PLXDC2: variants seen among roughly 807,000 people sequenced by gnomAD.
PLXDC2 encodes the protein plexin domain-containing protein 2.
PLXDC2 carries 40 observed loss-of-function variants against 68.9 expected under a neutral mutation model. The observed-to-expected ratio is 0.58, with a 90% CI of 0.45 to 0.76. The LOEUF (loss-of-function observed/expected upper bound fraction) is 0.76, where lower values mean the gene tolerates loss of function less well. Ranked by LOEUF, PLXDC2 falls within the 30% of genes least tolerant of loss-of-function variation. The pLI, the probability that PLXDC2 is intolerant of heterozygous loss-of-function variation, is 0.00. For synonymous variants in PLXDC2, 243 were observed against 234.2 expected (o/e 1.04, Z -0.34); for missense variants, 644 against 661.9 (o/e 0.97, Z 0.30).
At chr10:19,989,383 G>T (rs1174909049) in intron 1 of PLXDC2, among the ~76,000 whole-genome samples, 2 of 152,002 alleles carry the variant, frequency 1.3e-5, no homozygotes, top group Non-Finnish European at 2.9e-5. Flanking sequence ...ATAGCCTCTA[G>T]TATCAAATTA....
Position 19,838,168 on chromosome 10 carries a change from G to A in PLXDC2, c.112+20977G>A, listed in dbSNP as rs183168902. The stretch of plus-strand genomic sequence containing the variant: ...TGTAAAGACAGGGTCTTGCTATGTT[G>A]CCCAGGCTGGTCTCAAACTTTTGGG... On this transcript the variant is annotated intron_variant, in intron 1 of 13. Coordinates refer to ENST00000377252, the MANE Select transcript of PLXDC2 (RefSeq NM_032812.9). Among the ~76,000 whole-genome samples the A allele has an allele frequency of 1.4e-4, 21 of 151,954 alleles. No individual in the cohort carries two copies. In the East Asian group the frequency reaches 3.7e-3, roughly 27 times the overall value.
intron 1 of PLXDC2, among the ~76,000 whole-genome samples, chr10:19,903,891 C>T (rs1009799128): frequency 3.3e-5 from 5 of 151,910 alleles, no homozygotes; most frequent in African/African-American, 4.8e-5. Context: ...TCACTATTAT[C>T]GTTCAGTTCA....
chr10:19,854,885 G>A (rs540940248), intron 1 of PLXDC2, among the ~76,000 whole-genome samples: 67 of 152,312 alleles, frequency 4.4e-4, no homozygotes, highest in Non-Finnish European at 5.7e-4. Flanking sequence ...TTTCCACTGC[G>A]AGAAAAATGT....
At chr10:19,820,578 G>C (rs1221535859) in intron 1 of PLXDC2, among the ~76,000 whole-genome samples, 1 of 150,592 alleles carries the variant, frequency 6.6e-6, no homozygotes, top group African/African-American at 2.5e-5. Context: ...AGCTTGCAGT[G>C]AGCCGAGATT....
At chr10:20,122,338 G>A (rs995983594) in intron 4 of PLXDC2, among the ~76,000 whole-genome samples, 35 of 152,134 alleles carry the variant, frequency 2.3e-4, no homozygotes, top group Admixed American at 8.5e-4. Context: ...AGAAGGGGAC[G>A]GACTTACCCT....
intron 4 of PLXDC2, among the ~76,000 whole-genome samples, chr10:20,068,614 T>TTATATATATATAATATA (rs1224343305): frequency 6.8e-6 from 1 of 147,520 alleles, no homozygotes; most frequent in African/African-American, 2.5e-5. Context: ...TATATATATA[T>TTATATATATATAATATA]TATATATATA....
chr10:20,241,736 A>G (rs1835518753), intron 12 of PLXDC2, among the ~76,000 whole-genome samples: 1 of 152,228 alleles, frequency 6.6e-6, no homozygotes, highest in Admixed American at 6.5e-5. Context: ...TCAAGATCAC[A>G]CCACAGCACT....
chr10:20,245,588 A>T (rs1835583108), intron 13 of PLXDC2, 83 bp downstream of exon 13: 4 of 1,419,314 alleles, frequency 2.8e-6, no homozygotes, highest in Non-Finnish European at 3.8e-6. Flanking sequence ...TTTAATATTT[A>T]CCACATGGCT....
chr10:19,860,696 G>T (rs1467455500), intron 1 of PLXDC2, among the ~76,000 whole-genome samples: 1 of 152,140 alleles, frequency 6.6e-6, no homozygotes, highest in East Asian at 1.9e-4. Context: ...GAACAGACCA[G>T]ATCCTCACTA....
intron 1 of PLXDC2, among the ~76,000 whole-genome samples, chr10:19,913,032 A>G (rs1031076365): frequency 6.6e-6 from 1 of 152,176 alleles, no homozygotes; most frequent in East Asian, 1.9e-4. Context: ...CTAGTGTCCT[A>G]GATCTCACAA....
At chr10:19,916,936 T>C (rs550311943) in intron 1 of PLXDC2, among the ~76,000 whole-genome samples, 1 of 152,348 alleles carries the variant, frequency 6.6e-6, no homozygotes, top group South Asian at 2.1e-4. Flanking sequence ...TGGTTAAATA[T>C]AACTTTTTAG....
chr10:19,993,008 T>C (rs999212801), intron 1 of PLXDC2, among the ~76,000 whole-genome samples: 1 of 152,188 alleles, frequency 6.6e-6, no homozygotes, highest in Non-Finnish European at 1.5e-5. Context: ...CGGCTCTGGC[T>C]GCCTCCCCGA....
chr10:20,000,285 G>GT (rs1834912995), intron 1 of PLXDC2, among the ~76,000 whole-genome samples: 1 of 147,136 alleles, frequency 6.8e-6, no homozygotes. Context: ...TTTTTGTTTT[G>GT]TTTTGTTTTT....
chr10:20,102,630 T>C (rs1208605796), intron 4 of PLXDC2, among the ~76,000 whole-genome samples: 2 of 152,192 alleles, frequency 1.3e-5, no homozygotes, highest in Non-Finnish European at 2.9e-5. Flanking sequence ...GGATTTTGGC[T>C]TGAGCAACTG....
intron 1 of PLXDC2, among the ~76,000 whole-genome samples, chr10:19,951,437 A>C (rs1833990459): frequency 6.6e-6 from 1 of 152,214 alleles, no homozygotes. Context: ...AGAGAAATGC[A>C]ATAAGATACT....
At chr10:19,860,275 T>C (rs572132068) in intron 1 of PLXDC2, among the ~76,000 whole-genome samples, 94 of 152,330 alleles carry the variant, frequency 6.2e-4, no homozygotes, top group African/African-American at 2.2e-3. Flanking sequence ...CCAGTGACTT[T>C]TGCAAGCTTG....
At chr10:20,052,874 C>G (rs915640570) in intron 3 of PLXDC2, among the ~76,000 whole-genome samples, 2 of 151,974 alleles carry the variant, frequency 1.3e-5, no homozygotes, top group African/African-American at 4.8e-5. Flanking sequence ...GGCAACTTCC[C>G]ACACACTTCC....
At chr10:20,035,128 A>C (rs1047170763) in intron 2 of PLXDC2, among the ~76,000 whole-genome samples, 2 of 152,164 alleles carry the variant, frequency 1.3e-5, no homozygotes, top group East Asian at 1.9e-4. Flanking sequence ...CCGTTTTGTA[A>C]TCTTGAAAAT....
At chr10:20,100,358 G>A (rs1300983430) in intron 4 of PLXDC2, among the ~76,000 whole-genome samples, 1 of 152,176 alleles carries the variant, frequency 6.6e-6, no homozygotes, top group East Asian at 1.9e-4. Flanking sequence ...TGTTTGTGTG[G>A]GAAAGAGAGA....
Sources: allele counts gnomAD v4.1 joint callset (sites outside exome capture counted in the v4.1 genomes callset), GRCh38; gene constraint gnomAD v4.1.1; transcripts MANE v1.5; gene names NCBI Gene and HGNC (gene_info 2026-07-23, HGNC 2026-07-21).